The following CTNNA2 variants were observed in gnomAD, a reference collection of about 807,000 sequenced individuals.
CTNNA2 encodes catenin alpha-2.
A neutral mutation model predicts 101.0 loss-of-function variants in CTNNA2; 42 were observed. That is an observed-to-expected ratio of 0.42 (90% CI 0.32 to 0.54). The LOEUF is 0.54. Ranked by LOEUF, CTNNA2 falls within the 20% of genes least tolerant of loss-of-function variation. The pLI, the probability that CTNNA2 is intolerant of heterozygous loss-of-function variation, is 0.14. For synonymous variants in CTNNA2, 450 were observed against 456.4 expected, an observed-to-expected ratio of 0.99 and a Z score of 0.18; for missense variants, 871 against 1,223.1, an observed-to-expected ratio of 0.71 and a Z score of 4.29.
chr2:80,203,538 C>T (rs967656083), intron 7 of CTNNA2, among the ~76,000 whole-genome samples: 2 of 152,226 alleles, frequency 1.3e-5, no homozygotes, highest in Admixed American at 1.3e-4. Flanking sequence ...CTCCATGTCT[C>T]ACATCCAGGT....
At chr2:79,244,945 A>C (rs969864595) in intron 2 of CTNNA2, among the ~76,000 whole-genome samples, 2 of 151,866 alleles carry the variant, frequency 1.3e-5, no homozygotes, top group Non-Finnish European at 2.9e-5. Flanking sequence ...AAATACAAAA[A>C]TTAGTTGGGC....
At chr2:79,846,372 G>T (rs1680232723) in intron 3 of CTNNA2, among the ~76,000 whole-genome samples, 1 of 152,150 alleles carries the variant, frequency 6.6e-6, no homozygotes, top group African/African-American at 2.4e-5. Context: ...TATAAAATGT[G>T]CCTTTTTTAT....
intron 7 of CTNNA2, among the ~76,000 whole-genome samples, chr2:80,300,571 T>A (rs1003800769): frequency 6.6e-6 from 1 of 152,000 alleles, no homozygotes; most frequent in Non-Finnish European, 1.5e-5. Flanking sequence ...GGGATGGTAG[T>A]GTGTGGTTCC....
At chr2:79,211,082 C>A (rs2104200124) in intron 2 of CTNNA2, among the ~76,000 whole-genome samples, 1 of 152,250 alleles carries the variant, frequency 6.6e-6, no homozygotes, top group African/African-American at 2.4e-5. Context: ...AAATCAATTT[C>A]TAGGTCTTAC....
chr2:79,951,820 AG>A (rs1688902520), intron 7 of CTNNA2, among the ~76,000 whole-genome samples: 1 of 152,216 alleles, frequency 6.6e-6, no homozygotes, highest in African/African-American at 2.4e-5. Context: ...TCATTTCCCC[AG>A]GAACCTCTGA....
upstream of CTNNA2, among the ~76,000 whole-genome samples, chr2:79,512,803 C>CCGCG (rs1260214784): frequency 1.3e-5 from 2 of 151,342 alleles, no homozygotes; most frequent in African/African-American, 4.8e-5. Context: ...GCTCCCCAGG[C>CCGCG]CGCGCGCGCC....
chr2:80,280,786 T>C (rs1674321345), intron 7 of CTNNA2, among the ~76,000 whole-genome samples: 1 of 152,074 alleles, frequency 6.6e-6, no homozygotes, highest in Non-Finnish European at 1.5e-5. Flanking sequence ...AGACATAAAT[T>C]ACCCTTTTGC....
chr2:79,588,009 G>A (rs1412447677), intron 1 of CTNNA2, among the ~76,000 whole-genome samples: 1 of 152,104 alleles, frequency 6.6e-6, no homozygotes, highest in African/African-American at 2.4e-5. Flanking sequence ...AGTAAATAAA[G>A]TGATGTCTTA....
chr2:79,265,359 A>G (rs1348491611), intron 2 of CTNNA2, among the ~76,000 whole-genome samples: 1 of 152,174 alleles, frequency 6.6e-6, no homozygotes, highest in Non-Finnish European at 1.5e-5. Context: ...GCAGCTCCAT[A>G]TGGTGCCAAG....
intron 2 of CTNNA2, among the ~76,000 whole-genome samples, chr2:79,739,213 A>G (rs1329253955): frequency 6.6e-6 from 1 of 152,050 alleles, no homozygotes; most frequent in East Asian, 1.9e-4. Context: ...TGGTTGGGGC[A>G]GAGGGAGGCC....
At chr2:79,989,980 G>A (rs1025050923) in intron 7 of CTNNA2, among the ~76,000 whole-genome samples, 4 of 152,186 alleles carry the variant, frequency 2.6e-5, no homozygotes, top group African/African-American at 9.7e-5. Context: ...AGCAGCTGAT[G>A]TAATATTTGG....
intron 2 of CTNNA2, among the ~76,000 whole-genome samples, chr2:79,206,740 G>A (rs939119165): frequency 6.6e-6 from 1 of 152,144 alleles, no homozygotes; most frequent in Non-Finnish European, 1.5e-5. Context: ...CCATAACTGT[G>A]AGTGAGGAAG....
intron 7 of CTNNA2, among the ~76,000 whole-genome samples, chr2:80,177,096 C>T (rs1174035989): frequency 6.6e-6 from 1 of 152,164 alleles, no homozygotes; most frequent in African/African-American, 2.4e-5. Flanking sequence ...GGCCATTTTA[C>T]CATTCTATCA....
intron 7 of CTNNA2, among the ~76,000 whole-genome samples, chr2:79,997,511 T>C (rs2103938641): frequency 6.6e-6 from 1 of 152,280 alleles, no homozygotes; most frequent in African/African-American, 2.4e-5. Flanking sequence ...CATAAACTCT[T>C]GAAGCTGACA....
chr2:79,480,134 G>A (rs1297735831), intron 4 of CTNNA2, among the ~76,000 whole-genome samples: 1 of 151,944 alleles, frequency 6.6e-6, no homozygotes, highest in African/African-American at 2.4e-5. Context: ...AGAAGGGGGA[G>A]GTCCCAGGCT....
intron 7 of CTNNA2, among the ~76,000 whole-genome samples, chr2:79,993,813 T>C (rs945172699): frequency 2.0e-5 from 3 of 152,152 alleles, no homozygotes; most frequent in African/African-American, 7.2e-5. Flanking sequence ...GTGTGATGAC[T>C]CTGCCAGTGC....
intron 9 of CTNNA2, among the ~76,000 whole-genome samples, chr2:80,503,386 C>A (rs1167759212): frequency 6.6e-6 from 1 of 152,090 alleles, no homozygotes; most frequent in African/African-American, 2.4e-5. Flanking sequence ...AGCAACTACA[C>A]TTCTATGACA....
intron 6 of CTNNA2, among the ~76,000 whole-genome samples, chr2:79,882,150 T>TGTTTTGGTTAC (rs1683478126): frequency 2.6e-5 from 4 of 152,318 alleles, no homozygotes; most frequent in Admixed American, 2.0e-4. Flanking sequence ...CTCTTCTGGC[T>TGTTTTGGTTAC]TGTAGAGTTT....
chr2:79,982,029 G>C (rs1394811306), intron 7 of CTNNA2, among the ~76,000 whole-genome samples: 2 of 148,036 alleles, frequency 1.4e-5, no homozygotes, highest in Non-Finnish European at 3.0e-5. Flanking sequence ...TCATGGTAGT[G>C]TTTTGTTTTT....
Sources: gnomAD v4.1 joint callset for allele counts (sites outside exome capture counted in the v4.1 genomes callset) on GRCh38, gnomAD v4.1.1 for gene constraint, MANE v1.5 for transcripts, NCBI Gene and HGNC (gene_info 2026-07-23, HGNC 2026-07-21) for gene names.